The following BTD variants were observed in gnomAD, a reference collection of about 807,000 sequenced individuals.
BTD encodes the protein biotinidase.
BTD carries 13 observed loss-of-function variants against 17.7 expected under a neutral mutation model. The ratio of observed to expected loss-of-function variants is 0.74; its 90% confidence interval spans 0.48 to 1.17. The LOEUF (loss-of-function observed/expected upper bound fraction) is 1.17, where lower values mean the gene tolerates loss of function less well. Ranked by LOEUF, BTD falls within the 50% of genes most tolerant of loss-of-function variation. The pLI, the probability that BTD is intolerant of heterozygous loss-of-function variation, is 0.00. For missense variants in BTD, 674 were observed against 650.4 expected, an observed-to-expected ratio of 1.04 and a Z score of -0.39; for synonymous variants, 240 against 245.2, an observed-to-expected ratio of 0.98 and a Z score of 0.20.
intron 1 of BTD, among the ~76,000 whole-genome samples, chr3:15,626,504 A>G (rs1358635269): frequency 2.6e-5 from 4 of 152,192 alleles, no homozygotes; most frequent in African/African-American, 9.6e-5. Context: ...TGTAGGACAG[A>G]GGCCAGGCAT....
chr3:15,670,313 G>A, intron 3 of BTD: 1 of 1,613,980 alleles, frequency 6.2e-7, no homozygotes, highest in Admixed American at 1.7e-5. Context: ...ATCCACGTCA[G>A]TGTATAAGTA....
intron 1 of BTD, among the ~76,000 whole-genome samples, chr3:15,616,267 C>G (rs1208958371): frequency 2.0e-5 from 3 of 152,284 alleles, no homozygotes. Context: ...TTCCCATCAG[C>G]AATGAATCAG....
chr3:15,689,425 C>T (rs1454073156), intron 3 of BTD, among the ~76,000 whole-genome samples: 1 of 152,230 alleles, frequency 6.6e-6, no homozygotes, highest in Non-Finnish European at 1.5e-5. Context: ...GAATCCACTG[C>T]CACTGCCCCC....
At chr3:15,629,343 T>G (rs1036726768) in intron 1 of BTD, among the ~76,000 whole-genome samples, 4 of 152,206 alleles carry the variant, frequency 2.6e-5, no homozygotes, top group African/African-American at 7.2e-5. Context: ...CCATACCTAC[T>G]CAATCAAAAC....
intron 3 of BTD, among the ~76,000 whole-genome samples, chr3:15,672,194 G>A (rs542173689): frequency 5.1e-4 from 76 of 149,084 alleles, no homozygotes; most frequent in African/African-American, 1.8e-3. Context: ...CACCCAGGCT[G>A]GAGTGCAGTA....
chr3:15,601,807 T>C lies in BTD; in HGVS notation c.-104T>C, dbSNP rs762058751. The C allele has an allele frequency of 4.3e-6, 7 of 1,613,960 alleles. No homozygotes were observed. Among genetic ancestry groups the C allele is most frequent in the Admixed American group, 1.7e-5 (1 of 59,984 alleles). On this transcript the variant is annotated 5_prime_UTR_variant, in exon 1 of 4. Coordinates refer to ENST00000643237, the MANE Select transcript of BTD (RefSeq NM_001370658.1). Reference sequence around the variant, plus strand: ...AACTCTGAGGCCTCTCGCCATTGTCTCCGAGTCGGCCAGCTGGAGCGTTTT... The same window carrying C: ...AACTCTGAGGCCTCTCGCCATTGTCCCCGAGTCGGCCAGCTGGAGCGTTTT...
intron 3 of BTD, chr3:15,696,179 T>C (rs917186553): frequency 1.3e-6 from 2 of 1,594,818 alleles, no homozygotes; most frequent in Non-Finnish European, 1.7e-6. Flanking sequence ...AATAATGAAC[T>C]GCGTTGTATC....
intron 1 of BTD, among the ~76,000 whole-genome samples, chr3:15,628,819 A>C (rs926214202): frequency 3.9e-5 from 6 of 152,198 alleles, no homozygotes; most frequent in African/African-American, 1.4e-4. Context: ...TGCAAACTCA[A>C]ATATGCATTT....
chr3:15,704,574 T>C (rs2071095577), intron 3 of BTD, among the ~76,000 whole-genome samples: 1 of 152,234 alleles, frequency 6.6e-6, no homozygotes, highest in African/African-American at 2.4e-5. Flanking sequence ...TCTGAGGAAT[T>C]TGTCTCTTCT....
chr3:15,636,619 C>T (rs1249251049), intron 2 of BTD, among the ~76,000 whole-genome samples: 1 of 152,192 alleles, frequency 6.6e-6, no homozygotes, highest in Non-Finnish European at 1.5e-5. Context: ...CACTTTCCTG[C>T]TCTCTGTGAA....
At chr3:15,695,273 C>A in intron 3 of BTD, 2 of 1,257,522 alleles carry the variant, frequency 1.6e-6, no homozygotes, top group South Asian at 2.6e-5. Context: ...TATATTAAGT[C>A]TCAACTTATA....
chr3:15,636,682 A>G (rs1255072091), intron 2 of BTD, among the ~76,000 whole-genome samples: 2 of 149,674 alleles, frequency 1.3e-5, no homozygotes, highest in Non-Finnish European at 3.0e-5. Flanking sequence ...GCCTTAGAGC[A>G]GGGTGGTCGG....
chr3:15,681,919 C>CA lies in BTD; in HGVS notation c.400-28140dup, dbSNP rs530841332. On this transcript the variant is annotated intron_variant, in intron 3 of 3. Coordinates refer to the BTD transcript ENST00000672141. ...GCAACAATCATCTGGCCCAAAACGTCATAGTGCTGAGGTTGAGAAACTCCT... is the reference window on the plus strand; with the variant it reads ...GCAACAATCATCTGGCCCAAAACGTCAATAGTGCTGAGGTTGAGAAACTCCT... Among the ~76,000 whole-genome samples, 15 of 152,248 alleles carry CA rather than the reference C, an allele frequency of 9.9e-5. No homozygotes were observed. In the South Asian group the frequency reaches 2.9e-3, roughly 29 times the overall value.
chr3:15,694,489 T>C (rs1464208634), intron 3 of BTD, among the ~76,000 whole-genome samples: 1 of 151,012 alleles, frequency 6.6e-6, no homozygotes, highest in Admixed American at 6.6e-5. Flanking sequence ...CAGAAGGCCC[T>C]GGGGGAAGCC....
chr3:15,623,215 G>A (rs1195788181), intron 1 of BTD, among the ~76,000 whole-genome samples: 1 of 152,150 alleles, frequency 6.6e-6, no homozygotes. Context: ...GTGAAATTTG[G>A]GTGGAGACAC....
rs970768322 is a variant in BTD, at chr3:15,647,953, C to G, written c.*2465C>G. ...CAAGTCCCAGAGCCCACCATGTCTG[C>G]TCTCAAGACACAGGCCTGTCCAGAG... On this transcript the variant is annotated 3_prime_UTR_variant, in exon 4 of 4. Coordinates refer to ENST00000643237, the MANE Select transcript of BTD (RefSeq NM_001370658.1). 1.3e-5 allele frequency among the ~76,000 whole-genome samples: 2 copies of G among 152,232 alleles called. No individual in the cohort carries two copies. The highest frequency in any genetic ancestry group is 4.8e-5 in the African/African-American group (2 of 41,464).
intron 3 of BTD, among the ~76,000 whole-genome samples, chr3:15,664,814 C>T (rs767382418): frequency 6.6e-6 from 1 of 151,632 alleles, no homozygotes; most frequent in Non-Finnish European, 1.5e-5. Flanking sequence ...TCAATGAAAA[C>T]ACATGGACAC....
intron 3 of BTD, chr3:15,709,818 C>A (rs1387780271): frequency 2.4e-6 from 2 of 837,706 alleles, no homozygotes; most frequent in Admixed American, 6.2e-5. Context: ...AGCATGAAAG[C>A]ATGTTTTTAT....
At chr3:15,703,123 G>A (rs1575253513) in intron 3 of BTD, among the ~76,000 whole-genome samples, 1 of 151,990 alleles carries the variant, frequency 6.6e-6, no homozygotes, top group Non-Finnish European at 1.5e-5. Context: ...ACATACAAAA[G>A]GCAAATATAT....
Sources: allele counts gnomAD v4.1 joint callset (sites outside exome capture counted in the v4.1 genomes callset), GRCh38; gene constraint gnomAD v4.1.1; transcripts MANE v1.5; gene names NCBI Gene and HGNC (gene_info 2026-07-23, HGNC 2026-07-21).